The following ASAH2 variants were observed in gnomAD, a reference collection of about 807,000 sequenced individuals.
ASAH2 encodes the protein N-acylsphingosine amidohydrolase 2, also known as neutral ceramidase.
Under a neutral mutation model 82.9 loss-of-function variants are expected in ASAH2, and 58 were observed. The ratio of observed to expected loss-of-function variants is 0.70; its 90% CI spans 0.57 to 0.87. The LOEUF is 0.87. ASAH2 is among the 40% of genes least tolerant of loss of function. The pLI, the probability that ASAH2 is intolerant of heterozygous loss-of-function variation, is 0.00. For synonymous variants in ASAH2, 276 were observed against 289.7 expected (o/e 0.95, Z 0.48); for missense variants, 779 against 834.0 (o/e 0.93, Z 0.81).
chr10:50,203,870 A>G (rs1845225611), intron 14 of ASAH2, among the ~76,000 whole-genome samples, 191 bp from the exon 15 acceptor site: 1 of 151,978 alleles, frequency 6.6e-6, no homozygotes, highest in South Asian at 2.1e-4. Context: ...AATAAATCCT[A>G]AACTGAAAAC....
chr10:50,209,917 GA>G (rs1401817072), intron 12 of ASAH2, among the ~76,000 whole-genome samples: 1 of 152,062 alleles, frequency 6.6e-6, no homozygotes, highest in Non-Finnish European at 1.5e-5. Flanking sequence ...TAAAAAATCA[GA>G]AAACTATACA....
intron 4 of ASAH2, among the ~76,000 whole-genome samples, chr10:50,236,824 G>A (rs1380756973): frequency 6.6e-6 from 1 of 152,026 alleles, no homozygotes; most frequent in Non-Finnish European, 1.5e-5. Flanking sequence ...CCAGACCCTC[G>A]TCTAACTAGA....
At position 50,203,503 on chromosome 10, in the gene ASAH2, C is replaced by G. The variant is rs1845214579; in HGVS notation, c.1665+137G>C. The G allele has an allele frequency of 3.6e-6, 3 of 824,736 alleles. No homozygotes were observed. In the African/African-American group the frequency reaches 5.0e-5, roughly 14 times the overall value. 51.1% of individuals were successfully genotyped at this position (824,736 alleles called of 1,614,324 possible). On this transcript the variant is annotated intron_variant, in intron 15 of 20. Coordinates refer to ENST00000682911, the MANE Select transcript of ASAH2 (RefSeq NM_019893.4). ...ATGTTTTTTAAGTCTGGTTCTTATA[C>G]TACCAATATTTCATATTAACCTTAG...
rs745613507 is a variant in ASAH2, at chr10:50,248,547, C to T, written c.64G>A (p.Ala22Thr). ...FLIFLLVMMS[A>T]ITVALLSLLF... ...AGGCTGAGAAGGGCCACTGTGATGGCACTCATCATTACAAGGAGGAAAATC... is the reference window on the plus strand; with the variant it reads ...AGGCTGAGAAGGGCCACTGTGATGGTACTCATCATTACAAGGAGGAAAATC... The change falls in exon 2 of 21, where the codon GCC becomes ACC. Residue 22 changes from alanine to threonine, a missense_variant. Transcript: ENST00000682911. 2.7e-5 allele frequency: 43 copies of T among 1,613,466 alleles called. No individual in the cohort carries two copies. In the Admixed American group the frequency reaches 7.2e-4, roughly 27 times the overall value.
Position 50,214,827 on chromosome 10 carries a change from A to G in ASAH2, c.1056T>C (p.Asp352=). ...VAAFASSNLG[D]VSPNILGPRC... Reference sequence around the variant, plus strand: ...GTGGTCCAAGAATGTTGGGGGACACATCTCCTAGGTTTGATGAAGCAAAGG... The same window carrying G: ...GTGGTCCAAGAATGTTGGGGGACACGTCTCCTAGGTTTGATGAAGCAAAGG... Residue 352 remains aspartate (D), a synonymous_variant, in exon 9 of 21, where the codon GAT becomes GAC. Transcript: ENST00000682911. 1 of 1,613,732 alleles carries G rather than the reference A, an allele frequency of 6.2e-7. No individual in the cohort carries two copies.
At chr10:50,224,601 G>C (rs1207973448) in intron 7 of ASAH2, among the ~76,000 whole-genome samples, 7 of 152,034 alleles carry the variant, frequency 4.6e-5, no homozygotes, top group African/African-American at 1.7e-4. Context: ...TGGGGCGTGT[G>C]AATACCTCTG....
intron 9 of ASAH2, among the ~76,000 whole-genome samples, chr10:50,213,344 G>C (rs1333188957): frequency 1.3e-5 from 2 of 152,112 alleles, no homozygotes; most frequent in African/African-American, 2.4e-5. Context: ...TAATATCTGA[G>C]CTAAGACTTG....
chr10:50,247,413 C>A (rs779989354), intron 2 of ASAH2, among the ~76,000 whole-genome samples: 5 of 151,936 alleles, frequency 3.3e-5, no homozygotes, highest in Non-Finnish European at 7.4e-5. Flanking sequence ...GATCTGCCTA[C>A]CTTGGTCCCC....
intron 2 of ASAH2, among the ~76,000 whole-genome samples, chr10:50,245,754 G>A (rs1179838211): frequency 6.6e-6 from 1 of 151,978 alleles, no homozygotes; most frequent in Non-Finnish European, 1.5e-5. Context: ...TTCTTTTCCA[G>A]CTAAACTAAA....
intron 7 of ASAH2, among the ~76,000 whole-genome samples, chr10:50,218,900 C>T (rs1845676904): frequency 6.6e-6 from 1 of 152,114 alleles, no homozygotes; most frequent in African/African-American, 2.4e-5. Flanking sequence ...TGGTCAGTTA[C>T]CAGATGACAT....
In ASAH2 at chr10:50,240,559, A is replaced by C. The variant is rs1167573434; in HGVS notation, c.510+2643T>G. The C allele has an allele frequency of 3.3e-5, 23 of 702,140 alleles. No homozygotes were observed. In the East Asian group the frequency reaches 6.2e-4, roughly 19 times the overall value. 43.5% of individuals were successfully genotyped at this position (702,140 alleles called of 1,614,324 possible). A position where few individuals can be genotyped will look rare whatever the true frequency, so the allele number is the denominator to read the frequency against. ...TTCTCAGAGTCCATATCACCCACAG[A>C]ATTAAAAACAAGCTGGCATCTCAAG... is the stretch of plus-strand genomic sequence containing the variant. On this transcript the variant is annotated intron_variant, in intron 4 of 20. Coordinates refer to ENST00000682911, the MANE Select transcript of ASAH2 (RefSeq NM_019893.4).
chr10:50,195,178 A>G, intron 18 of ASAH2, among the ~76,000 whole-genome samples: 1 of 151,718 alleles, frequency 6.6e-6, no homozygotes, highest in African/African-American at 2.4e-5. Context: ...GATATAAGGT[A>G]CTCAAACAAC....
rs978691123 is a variant in ASAH2, at chr10:50,225,674, A to G, written c.894-7044T>C. On this transcript the variant is annotated intron_variant, in intron 7 of 20. Transcript: ENST00000682911. ...GTTTGAGTAATGGGAGAGTAAACCA[A>G]CAAAGGGGTGTTGGGCAATTTATAG... Among the ~76,000 whole-genome samples the G allele has an allele frequency of 3.9e-5, 6 of 152,300 alleles. No homozygotes were observed. The South Asian group carries it at 1.2e-3, about 32-fold the overall frequency.
chr10:50,240,795 T>C (rs951506360), intron 4 of ASAH2, among the ~76,000 whole-genome samples: 29 of 152,340 alleles, frequency 1.9e-4, no homozygotes, highest in African/African-American at 6.5e-4. Flanking sequence ...ATTTCCACCA[T>C]GAAAATGTTT....
chr10:50,248,228 G>C (rs7091407), intron 2 of ASAH2, among the ~76,000 whole-genome samples: 51,251 of 152,144 alleles, frequency 0.34, 10,585 homozygotes, highest in Non-Finnish European at 0.45. Flanking sequence ...GCTGTGCTTA[G>C]ATCAATGGAA....
rs934397646 is a variant in ASAH2, at chr10:50,213,047, G to C, written c.1152C>G (p.Cys384Trp). The change falls in exon 10 of 21, where the codon TGC becomes TGG. Residue 384 changes from cysteine to tryptophan, a missense_variant. Physicochemically the swap from Cys to Trp is radical, Grantham distance 215. Around this residue, in one of 3 missense-constraint regions of ASAH2, gnomAD observed 759 missense variants for 755.2 expected, o/e 1.00. Transcript: ENST00000682911. ...STCPIGGPSMCIAKGPGQDMF... is the reference protein window; with the variant it reads ...STCPIGGPSMWIAKGPGQDMF... ...TATCCTGTCCAGGTCCCTTAGCAAT[G>C]CACATGCTAGGCTGGAACAAAATAA... 1 of 1,612,920 alleles carries C rather than the reference G, an allele frequency of 6.2e-7. No homozygotes were observed. Among genetic ancestry groups the C allele is most frequent in the African/African-American group, 1.3e-5 (1 of 74,884 alleles).
intron 16 of ASAH2, among the ~76,000 whole-genome samples, chr10:50,200,295 T>TA (rs1845105859): frequency 1.3e-5 from 2 of 151,180 alleles, no homozygotes; most frequent in African/African-American, 4.9e-5. Flanking sequence ...GAAGGCTCAG[T>TA]AGCATAGCAT....
rs572458387 is a variant in ASAH2 at position 50,235,007 on chromosome 10, C to T, written c.688-455G>A. Among the ~76,000 whole-genome samples, 54 of 152,250 alleles carry T rather than the reference C, an allele frequency of 3.5e-4. 2 individuals are homozygous for T. Among genetic ancestry groups the T allele is most frequent in the Admixed American group, 3.5e-3 (53 of 15,272 alleles). On this transcript the variant is annotated intron_variant, in intron 5 of 20. Transcript: ENST00000682911. ...TGACAGTGAACTACAGTGAGAGATACATTTTTCATCATAACTTAATACACA... is the reference window on the plus strand; with the variant it reads ...TGACAGTGAACTACAGTGAGAGATATATTTTTCATCATAACTTAATACACA...
chr10:50,204,714 G>A lies in ASAH2; in HGVS notation c.1625+147C>T, dbSNP rs1008228892. 159 of 641,292 alleles carry A rather than the reference G, an allele frequency of 2.5e-4. No homozygotes were observed. The African/African-American group carries it at 2.5e-3, about 10-fold the overall frequency. The allele number at this position is 641,292 out of a possible 1,614,324, so 39.7% of individuals were successfully genotyped here. On this transcript the variant is annotated intron_variant, in intron 14 of 20. Coordinates refer to ENST00000682911, the MANE Select transcript of ASAH2 (RefSeq NM_019893.4). ...TTATTCTTCAGAGGCCCCAGCAAAA[G>A]AGGGTAGGAATATTTGCCACTGTCA...
Sources: allele counts gnomAD v4.1 joint callset (sites outside exome capture counted in the v4.1 genomes callset), GRCh38; gene constraint gnomAD v4.1.1; regional missense constraint gnomAD v4.1.1; transcripts MANE v1.5; gene names NCBI Gene and HGNC (gene_info 2026-07-23, HGNC 2026-07-21).